The following LNX1 variants were observed in gnomAD, a reference collection of about 807,000 sequenced individuals.
LNX1 encodes E3 ubiquitin-protein ligase LNX.
LNX1 carries 54 observed loss-of-function variants against 68.4 expected under a neutral mutation model. That is an observed-to-expected ratio of 0.79 (90% CI 0.63 to 0.99). The LOEUF is 0.99. Among genes scored for constraint, LNX1 ranks in the 50% least tolerant of loss-of-function variants. The pLI, the probability that LNX1 is intolerant of heterozygous loss-of-function variation, is 0.00. For missense variants in LNX1, 906 were observed against 926.4 expected, an observed-to-expected ratio of 0.98 and a Z score of 0.29; for synonymous variants, 336 against 350.0, an observed-to-expected ratio of 0.96 and a Z score of 0.45.
chr4:53,584,354 T>A (rs1732031362), intron 1 of LNX1, among the ~76,000 whole-genome samples: 1 of 152,106 alleles, frequency 6.6e-6, no homozygotes, highest in African/African-American at 2.4e-5. Flanking sequence ...CCAATACATT[T>A]AAGTCTAATT....
At chr4:53,463,452 CAT>C (rs1343954721) in intron 9 of LNX1, among the ~76,000 whole-genome samples, 7 of 152,050 alleles carry the variant, frequency 4.6e-5, no homozygotes, top group African/African-American at 1.7e-4. Context: ...GTTTCAAAGT[CAT>C]ACCTTGGTTA....
chr4:53,531,759 A>C (rs1212338590), intron 2 of LNX1, among the ~76,000 whole-genome samples: 2 of 152,210 alleles, frequency 1.3e-5, no homozygotes, highest in African/African-American at 4.8e-5. Context: ...CAATTTCTGC[A>C]CTTCATTTTT....
In LNX1 at chr4:53,476,734, ATGT is replaced by A. The variant is rs752669074; in HGVS notation, c.1892+16_1892+18del. On this transcript the variant is annotated intron_variant, in intron 9 of 10. Transcript: ENST00000263925. ...CGTTTTCTCCCACGCCCCTACAGGGATGTTGTGTTTGGACTTACCGTGGTAATT... is the reference window on the plus strand; with the variant it reads ...CGTTTTCTCCCACGCCCCTACAGGGATGTGTTTGGACTTACCGTGGTAATT... 2.5e-6 allele frequency: 4 copies of A among 1,599,340 alleles called. No individual in the cohort carries two copies. The East Asian group carries it at 8.9e-5, about 36-fold the overall frequency.
At chr4:53,642,667 C>T (rs1577826228) in intron 1 of LNX1, among the ~76,000 whole-genome samples, 2 of 152,324 alleles carry the variant, frequency 1.3e-5, no homozygotes, top group Admixed American at 1.3e-4. Flanking sequence ...AGGCCAATCA[C>T]AAACACTGGC....
At position 53,459,405 on chromosome 4, in the gene LNX1, C is replaced by G. The variant is rs1181960343; in HGVS notation, c.*1502G>C. The G allele has an allele frequency of 3.7e-6, 6 of 1,611,838 alleles. No homozygotes were observed. Among genetic ancestry groups the G allele is most frequent in the Non-Finnish European group, 5.1e-6 (6 of 1,179,278 alleles). Reference sequence around the variant, plus strand: ...AGAAGGAAAAGAAGCGGGCAGTGAGCCTGCCCCTGAACAGGAGAGCACCGA... The same window carrying G: ...AGAAGGAAAAGAAGCGGGCAGTGAGGCTGCCCCTGAACAGGAGAGCACCGA... On this transcript the variant is annotated 3_prime_UTR_variant, in exon 11 of 11. Coordinates refer to ENST00000263925, the MANE Select transcript of LNX1 (RefSeq NM_001126328.3).
At chr4:53,638,137 A>T in intron 1 of LNX1, among the ~76,000 whole-genome samples, 1 of 152,198 alleles carries the variant, frequency 6.6e-6, no homozygotes. Context: ...AGATCTTGTC[A>T]TTGGGCATAT....
chr4:53,473,738 A>G lies in LNX1; in HGVS notation c.1892+3015T>C, dbSNP rs113264363. 6.7e-3 allele frequency among the ~76,000 whole-genome samples: 1,013 copies of G among 152,288 alleles called. 11 individuals carry two copies. The highest frequency in any genetic ancestry group is 0.023 in the African/African-American group (976 of 41,560). The stretch of plus-strand genomic sequence containing the variant: ...GTACCTGGGTACTGAACTCATCTGT[A>G]CAACAAACCCCTGTGACATGAGTTT... On this transcript the variant is annotated intron_variant, in intron 9 of 10. Coordinates refer to ENST00000263925, the MANE Select transcript of LNX1 (RefSeq NM_001126328.3).
At chr4:53,496,974 C>A (rs551812774) in intron 5 of LNX1, among the ~76,000 whole-genome samples, 1 of 152,050 alleles carries the variant, frequency 6.6e-6, no homozygotes, top group East Asian at 1.9e-4. Context: ...TGTGTGTGTG[C>A]GGATGGGAAT....
In LNX1 at chr4:53,608,538, G is replaced by A. The variant is rs1405750687; in HGVS notation, c.-215+7979C>T. 6.6e-5 allele frequency among the ~76,000 whole-genome samples: 10 copies of A among 152,162 alleles called. No individual in the cohort carries two copies. The East Asian group carries it at 1.2e-3, about 18-fold the overall frequency. On this transcript the variant is annotated intron_variant, in intron 2 of 3. Coordinates refer to the LNX1 transcript ENST00000504299. ...GGGAAGGTAAATTAGTTCAGCCACC[G>A]TGGAAAGCAGTGTGGAGATTTCTCA...
chr4:53,597,594 T>C (rs1732808031), intron 2 of LNX1, among the ~76,000 whole-genome samples: 1 of 152,156 alleles, frequency 6.6e-6, no homozygotes, highest in Admixed American at 6.5e-5. Context: ...CTCTCTTTCC[T>C]GTCTTGAAAG....
At position 53,459,863 on chromosome 4, in the gene LNX1, A is replaced by AAAACT. The variant is rs1392608834; in HGVS notation, c.*1039_*1043dup. On this transcript the variant is annotated 3_prime_UTR_variant, in exon 11 of 11. Coordinates refer to ENST00000263925, the MANE Select transcript of LNX1 (RefSeq NM_001126328.3). ...AAGGGCCCCTCTAAGGCTTGAGATT[A>AAAACT]AAACTAGTCTTTATCATTACTGCTG... 2.9e-5 allele frequency: 7 copies of AAAACT among 241,718 alleles called. No homozygotes were observed. The South Asian group carries it at 4.0e-4, about 14-fold the overall frequency. 15.0% of individuals were successfully genotyped at this position (241,718 alleles called of 1,614,324 possible).
chr4:53,460,731 T>G lies in LNX1; in HGVS notation c.*176A>C. On this transcript the variant is annotated 3_prime_UTR_variant, in exon 11 of 11. Transcript: ENST00000263925. ...CTGAAAAAAAACTAGTAGTTTTAAT[T>G]TTTTTGGAATCATATTTTCTGAGGT... The G allele has an allele frequency of 1.7e-6, 1 of 602,184 alleles. No individual in the cohort carries two copies. Among genetic ancestry groups the G allele is most frequent in the South Asian group, 2.5e-5 (1 of 39,672 alleles). 37.3% of individuals were successfully genotyped at this position (602,184 alleles called of 1,614,324 possible). A position where few individuals can be genotyped will look rare whatever the true frequency, so the allele number is the denominator to read the frequency against.
At chr4:53,575,005 G>A (rs1255116686) in intron 1 of LNX1, among the ~76,000 whole-genome samples, 6 of 151,266 alleles carry the variant, frequency 4.0e-5, no homozygotes, top group Admixed American at 2.0e-4. Flanking sequence ...CTTTTTAGAC[G>A]GAGTCTTGCT....
At chr4:53,583,421 C>A (rs1360914435) in intron 1 of LNX1, among the ~76,000 whole-genome samples, 1 of 152,072 alleles carries the variant, frequency 6.6e-6, no homozygotes, top group Non-Finnish European at 1.5e-5. Context: ...TACAGGCTGC[C>A]GCCAAGGTCG....
intron 6 of LNX1, among the ~76,000 whole-genome samples, chr4:53,482,211 G>A (rs1233050120): frequency 6.6e-6 from 1 of 152,176 alleles, no homozygotes; most frequent in African/African-American, 2.4e-5. Context: ...GGTGCACTGT[G>A]TAAAGTAGCA....
At chr4:53,462,424 TTG>T (rs1722229976) in intron 9 of LNX1, among the ~76,000 whole-genome samples, 1 of 152,154 alleles carries the variant, frequency 6.6e-6, no homozygotes, top group African/African-American at 2.4e-5. Flanking sequence ...GATGACGTTG[TTG>T]ACCACATTTG....
rs928475991 is a variant in LNX1, at chr4:53,535,088, A to G, written c.381-26861T>C. On this transcript the variant is annotated intron_variant, in intron 2 of 10. Transcript: ENST00000263925. ...TATGAATCCTCCTTGCTATAAGGAA[A>G]GAGAGGAGAAATAGCACCAATGTTT... is the stretch of plus-strand genomic sequence containing the variant. Among the ~76,000 whole-genome samples the G allele has an allele frequency of 4.9e-5, 7 of 144,264 alleles. No homozygotes were observed. The East Asian group carries it at 1.4e-3, about 29-fold the overall frequency. The allele number at this position is 144,264 out of a possible 152,430, so 94.6% of individuals were successfully genotyped here.
chr4:53,520,606 G>A (rs1157053768), intron 2 of LNX1, among the ~76,000 whole-genome samples: 2 of 152,162 alleles, frequency 1.3e-5, no homozygotes, highest in Non-Finnish European at 2.9e-5. Context: ...GATGTGATGG[G>A]GTGGGGGTCA....
At chr4:53,474,106 C>T (rs941588186) in intron 9 of LNX1, among the ~76,000 whole-genome samples, 1 of 152,178 alleles carries the variant, frequency 6.6e-6, no homozygotes, top group South Asian at 2.1e-4. Context: ...ATCCAGGCAA[C>T]CTGGCGCATG....
Sources: gnomAD v4.1 joint callset for allele counts (sites outside exome capture counted in the v4.1 genomes callset) on GRCh38, gnomAD v4.1.1 for gene constraint, MANE v1.5 for transcripts, NCBI Gene and HGNC (gene_info 2026-07-23, HGNC 2026-07-21) for gene names.